The following RBM44 variants were observed in gnomAD, a reference collection of about 807,000 sequenced individuals.
The protein encoded by RBM44 is RNA binding motif protein 44.
RBM44 carries 66 observed loss-of-function variants against 105.1 expected under a neutral mutation model. The ratio of observed to expected loss-of-function variants is 0.63; its 90% CI spans 0.52 to 0.77. The LOEUF (loss-of-function observed/expected upper bound fraction) is 0.77, where lower values mean the gene tolerates loss of function less well. RBM44 is among the 30% of genes least tolerant of loss of function. The pLI is 0.00. For missense variants in RBM44, 1,122 were observed against 1,207.8 expected (o/e 0.93, Z 1.05); for synonymous variants, 365 against 417.6 (o/e 0.87, Z 1.54).
chr2:237,813,493 C>A, intron 1 of RBM44, 99 bp from the exon 2 acceptor site: 1 of 618,778 alleles, frequency 1.6e-6, no homozygotes. Flanking sequence ...AAAAATGTTC[C>A]TTGGAAATTT....
chr2:237,836,165 T>C (rs1361229067), intron 15 of RBM44, among the ~76,000 whole-genome samples: 1 of 152,148 alleles, frequency 6.6e-6, no homozygotes, highest in Non-Finnish European at 1.5e-5. Context: ...GCTGTTGACT[T>C]TAAGTTCAAG....
chr2:237,831,723 A>C (rs1176052140), intron 13 of RBM44, among the ~76,000 whole-genome samples: 1 of 152,086 alleles, frequency 6.6e-6, no homozygotes, highest in African/African-American at 2.4e-5. Context: ...GGCACTAGTG[A>C]CCTTTTATTT....
intron 15 of RBM44, among the ~76,000 whole-genome samples, chr2:237,837,507 C>T (rs569085084): frequency 6.6e-6 from 1 of 152,170 alleles, no homozygotes; most frequent in African/African-American, 2.4e-5. Flanking sequence ...TTAAGGGGTT[C>T]AAGACTTCAG....
Position 237,817,347 on chromosome 2 carries a change from T to G in RBM44, c.428T>G (p.Val143Gly). Residue 143 changes from valine to glycine, a missense_variant, in exon 3 of 16, where the codon GTT (valine) becomes GGT (glycine). Val to Gly is a moderately radical substitution (Grantham distance 109). This residue lies in a region of RBM44 where 918 missense variants were observed against 955.3 expected (regional missense o/e 0.96). Coordinates refer to ENST00000316997, the MANE Select transcript of RBM44 (RefSeq NM_001080504.3). The part of the protein sequence containing the change: ...LDPEVQKKEE[V>G]FFNILEHQDK... ...CCTGAAGTGCAGAAAAAAGAGGAGG[T>G]TTTTTTTAATATTTTGGAACATCAA... 10 of 1,597,836 alleles carry G rather than the reference T, an allele frequency of 6.3e-6. No individual in the cohort carries two copies. Among genetic ancestry groups the G allele is most frequent in the Non-Finnish European group, 7.7e-6 (9 of 1,173,088 alleles).
chr2:237,823,496 T>A lies in RBM44; in HGVS notation c.2262T>A (p.Asp754Glu). 1.3e-6 allele frequency: 2 copies of A among 1,544,686 alleles called. No homozygotes were observed. Among genetic ancestry groups the A allele is most frequent in the Non-Finnish European group, 1.8e-6 (2 of 1,138,960 alleles). ...HATQNISPKKDDFKNGDINAD... is the reference protein window; with the variant it reads ...HATQNISPKKEDFKNGDINAD... Reference sequence around the variant, plus strand: ...CACAAAACATATCACCCAAGAAAGATGACTTTAAAAATGGTGATATAAATG... The same window carrying A: ...CACAAAACATATCACCCAAGAAAGAAGACTTTAAAAATGGTGATATAAATG... Residue 754 changes from aspartate (D) to glutamate (E), a missense_variant, in exon 9 of 16, where the codon GAT becomes GAA. Physicochemically the swap from Asp to Glu is conservative, Grantham distance 45 (BLOSUM62 2). Coordinates refer to ENST00000316997, the MANE Select transcript of RBM44 (RefSeq NM_001080504.3).
At position 237,818,893 on chromosome 2, in the gene RBM44, A is replaced by G. The variant is rs368617632; in HGVS notation, c.1678-8A>G. 12 of 1,394,646 alleles carry G rather than the reference A, an allele frequency of 8.6e-6. No individual in the cohort carries two copies. The highest frequency in any genetic ancestry group is 1.1e-5 in the Non-Finnish European group (11 of 1,015,830). 86.4% of individuals were successfully genotyped at this position (1,394,646 alleles called of 1,614,324 possible). A position where few individuals can be genotyped will look rare whatever the true frequency, so the allele number is the denominator to read the frequency against. ...TTTTTTAAATTTAATTTTAAATCAT[A>G]TTTTCAGGATTTCCTGGAATTAAGA... On this transcript the variant is annotated splice_polypyrimidine_tract_variant and splice_region_variant and intron_variant, in intron 3 of 15. Transcript: ENST00000316997. This position sits in a 1 kb window ranked among gnomAD's most constrained non-coding sequence, Gnocchi z 4.6.
rs1484784849 is a variant in RBM44, at chr2:237,805,224, A to G, written c.-19+6363A>G. 2.0e-5 allele frequency among the ~76,000 whole-genome samples: 3 copies of G among 152,340 alleles called. No homozygotes were observed. The East Asian group carries it at 5.8e-4, about 29-fold the overall frequency. On this transcript the variant is annotated intron_variant, in intron 1 of 15. Coordinates refer to ENST00000316997, the MANE Select transcript of RBM44 (RefSeq NM_001080504.3). ...CAAGGCTGAGAATGAAATCAAGAACATAATACCACTTACAATAGTCACAAA... is the reference window on the plus strand; with the variant it reads ...CAAGGCTGAGAATGAAATCAAGAACGTAATACCACTTACAATAGTCACAAA...
chr2:237,816,047 T>G (rs2061711478), intron 2 of RBM44, among the ~76,000 whole-genome samples: 1 of 152,200 alleles, frequency 6.6e-6, no homozygotes, highest in Non-Finnish European at 1.5e-5. Flanking sequence ...TCGTAAGAGT[T>G]CTTTCACTAC....
At chr2:237,822,450 A>G (rs2061803027) in intron 8 of RBM44, among the ~76,000 whole-genome samples, 1 of 152,108 alleles carries the variant, frequency 6.6e-6, no homozygotes, top group Non-Finnish European at 1.5e-5. Context: ...AGGCAATTGA[A>G]TAGGAAGGCT....
intron 1 of RBM44, among the ~76,000 whole-genome samples, chr2:237,812,681 G>A (rs538788726): frequency 6.6e-6 from 1 of 152,222 alleles, no homozygotes; most frequent in South Asian, 2.1e-4. Flanking sequence ...GAATTCTGCT[G>A]TAGATACCTC....
rs1052275738 is a variant in RBM44 at position 237,820,458 on chromosome 2, T to C, written c.1913+107T>C. 6 of 692,894 alleles carry C rather than the reference T, an allele frequency of 8.7e-6. No individual in the cohort carries two copies. In the African/African-American group the frequency reaches 9.4e-5, roughly 11 times the overall value. 42.9% of individuals were successfully genotyped at this position (692,894 alleles called of 1,614,324 possible). A position where few individuals can be genotyped will look rare whatever the true frequency, so the allele number is the denominator to read the frequency against. On this transcript the variant is annotated intron_variant, in intron 5 of 15. Transcript: ENST00000316997. ...CATTTTTGAAGAGTAAAATGAGGAG[T>C]AGATTGTTACTGGGTTTGTTAGTTA...
chr2:237,817,742 G>T lies in RBM44; in HGVS notation c.823G>T (p.Asp275Tyr). The T allele has an allele frequency of 6.2e-7, 1 of 1,612,068 alleles. No homozygotes were observed. Among genetic ancestry groups the T allele is most frequent in the South Asian group, 1.1e-5 (1 of 90,912 alleles). Residue 275 changes from aspartate to tyrosine, a missense_variant, in exon 3 of 16, where the codon GAC becomes TAC. Physicochemically the swap from Asp to Tyr is radical, Grantham distance 160. This residue lies in a region of RBM44 where 918 missense variants were observed against 955.3 expected (regional missense o/e 0.96). Coordinates refer to ENST00000316997, the MANE Select transcript of RBM44 (RefSeq NM_001080504.3). ...TTCTGTTATGTTAAGAGAATATCATGACCTAAAGCATGAAAAGTATAAGGA... is the reference window on the plus strand; with the variant it reads ...TTCTGTTATGTTAAGAGAATATCATTACCTAAAGCATGAAAAGTATAAGGA... ...QNSVMLREYH[D>Y]LKHEKYKEQE...
At chr2:237,828,335 G>C (rs193113643) in intron 12 of RBM44, among the ~76,000 whole-genome samples, 2 of 152,168 alleles carry the variant, frequency 1.3e-5, no homozygotes, top group Admixed American at 1.3e-4. Context: ...TGTCTTAAAT[G>C]AAGTCATATA....
chr2:237,822,909 C>A (rs1395802497), intron 8 of RBM44, among the ~76,000 whole-genome samples: 3 of 151,864 alleles, frequency 2.0e-5, no homozygotes, highest in Non-Finnish European at 2.9e-5. Context: ...TACTCATGTA[C>A]CATCTTCACA....
chr2:237,802,837 AG>A (rs1047018121), intron 1 of RBM44, among the ~76,000 whole-genome samples: 1 of 152,270 alleles, frequency 6.6e-6, no homozygotes, highest in African/African-American at 2.4e-5. Context: ...GCTTGGTAAT[AG>A]GGTAGACATG....
chr2:237,822,862 A>C (rs146502037), intron 8 of RBM44, among the ~76,000 whole-genome samples: 2 of 151,990 alleles, frequency 1.3e-5, no homozygotes, highest in Non-Finnish European at 2.9e-5. Flanking sequence ...TTAACTGGTA[A>C]TTCATGAAAC....
In RBM44 at chr2:237,798,971, G is replaced by A. The variant is rs1192224166; in HGVS notation, c.-19+110G>A. 2 of 152,226 alleles carry A rather than the reference G, an allele frequency of 1.3e-5. No homozygotes were observed. The highest frequency in any genetic ancestry group is 1.3e-4 in the Admixed American group (2 of 15,284). 9.4% of individuals were successfully genotyped at this position (152,226 alleles called of 1,614,324 possible). A position where few individuals can be genotyped will look rare whatever the true frequency, so the allele number is the denominator to read the frequency against. On this transcript the variant is annotated intron_variant, in intron 1 of 15. Transcript: ENST00000316997. The surrounding 1 kb of genome is among the most constrained non-coding windows in gnomAD (Gnocchi z 4.3). ...CGAACCCCGCGTGTGGCCGGTCCCG[G>A]CGGCGAGGCCCGTCCCGCTGAAGCA... is the stretch of plus-strand genomic sequence containing the variant.
intron 15 of RBM44, among the ~76,000 whole-genome samples, chr2:237,837,802 C>T (rs904734106): frequency 6.6e-6 from 1 of 151,390 alleles, no homozygotes; most frequent in African/African-American, 2.4e-5. Flanking sequence ...AGCCACTGTG[C>T]CCAGCCCAGA....
chr2:237,817,719 C>A lies in RBM44; in HGVS notation c.800C>A (p.Ser267Tyr). Residue 267 changes from serine to tyrosine, a missense_variant, in exon 3 of 16, where the codon TCT becomes TAT. By Grantham distance (144) the Ser-to-Tyr change is moderately radical. This residue lies in a region of RBM44 where 918 missense variants were observed against 955.3 expected (regional missense o/e 0.96). Coordinates refer to ENST00000316997, the MANE Select transcript of RBM44 (RefSeq NM_001080504.3). ...ESLHVSKFQN[S>Y]VMLREYHDLK... The stretch of plus-strand genomic sequence containing the variant: ...CTTCATGTCTCCAAATTTCAGAATT[C>A]TGTTATGTTAAGAGAATATCATGAC... 6.2e-7 allele frequency: 1 copy of A among 1,612,508 alleles called. No homozygotes were observed. Among genetic ancestry groups the A allele is most frequent in the South Asian group, 1.1e-5 (1 of 90,984 alleles).
Sources: gnomAD v4.1 joint callset for allele counts (sites outside exome capture counted in the v4.1 genomes callset) on GRCh38, gnomAD v4.1.1 for gene constraint, gnomAD v4.1.1 regional missense constraint, Gnocchi (gnomAD v3.1) non-coding constraint, MANE v1.5 for transcripts, NCBI Gene and HGNC (gene_info 2026-07-23, HGNC 2026-07-21) for gene names.